Variants in AUTS2 observed in about 807,000 individuals in gnomAD.
The protein encoded by AUTS2 is autism susceptibility gene 2 protein.
Under a neutral mutation model 112.4 loss-of-function variants are expected in AUTS2, and 17 were observed. The ratio of observed to expected loss-of-function variants is 0.15; its 90% CI spans 0.10 to 0.23. AUTS2 has a LOEUF of 0.23. AUTS2 is among the 10% of genes least tolerant of loss of function. AUTS2 has a pLI of 1.00. For missense variants in AUTS2, 1,510 were observed against 1,701.6 expected (o/e 0.89, Z 1.98); for synonymous variants, 751 against 702.7 (o/e 1.07, Z -1.09).
chr7:70,457,656 G>A (rs988002592), intron 5 of AUTS2, among the ~76,000 whole-genome samples: 1 of 152,296 alleles, frequency 6.6e-6, no homozygotes, highest in South Asian at 2.1e-4. Context: ...AGAGGTGGGG[G>A]TGGTGGAGGG....
At chr7:70,508,374 T>A (rs1353451806) in intron 5 of AUTS2, among the ~76,000 whole-genome samples, 1 of 152,078 alleles carries the variant, frequency 6.6e-6, no homozygotes, top group Middle Eastern at 3.4e-3. Flanking sequence ...AAATGGAAAA[T>A]TAATACATCT....
chr7:70,525,925 A>T (rs905260814), intron 5 of AUTS2, among the ~76,000 whole-genome samples: 16 of 152,252 alleles, frequency 1.1e-4, no homozygotes, highest in African/African-American at 3.6e-4. Flanking sequence ...TGCTCACAGC[A>T]GCTCATCTTC....
intron 1 of AUTS2, among the ~76,000 whole-genome samples, chr7:69,640,297 T>G (rs6950638): frequency 0.076 from 11,552 of 152,244 alleles, 592 homozygotes; most frequent in African/African-American, 0.14. Context: ...ACAGAAAGAC[T>G]TCTTGATCTC....
intron 4 of AUTS2, among the ~76,000 whole-genome samples, chr7:70,354,425 GCTA>G (rs1323469879): frequency 6.6e-6 from 1 of 152,208 alleles, no homozygotes; most frequent in Non-Finnish European, 1.5e-5. Flanking sequence ...CCAACTAACA[GCTA>G]CTAAGTGCAT....
At chr7:70,135,004 T>C (rs541964420) in intron 4 of AUTS2, among the ~76,000 whole-genome samples, 1 of 152,134 alleles carries the variant, frequency 6.6e-6, no homozygotes, top group Non-Finnish European at 1.5e-5. Flanking sequence ...GGACGGGGAA[T>C]GGAGATGGTA....
chr7:69,863,925 C>G (rs537611088), intron 1 of AUTS2, among the ~76,000 whole-genome samples: 159 of 152,320 alleles, frequency 1.0e-3, no homozygotes, highest in Non-Finnish European at 1.6e-3. Flanking sequence ...ATTCCCTGCT[C>G]TGAAACCTGT....
chr7:70,003,375 GTGAATATATATAACATA>G (rs2129553082), intron 2 of AUTS2, among the ~76,000 whole-genome samples: 1 of 124,092 alleles, frequency 8.1e-6, no homozygotes, highest in East Asian at 2.3e-4. Context: ...TATTATATAT[GTGAATATATATAACATA>G]TGAATATATA....
intron 2 of AUTS2, among the ~76,000 whole-genome samples, chr7:69,976,420 C>G (rs959822903): frequency 1.3e-5 from 2 of 152,172 alleles, no homozygotes; most frequent in African/African-American, 4.8e-5. Context: ...TGAGTTGCTT[C>G]CACCTCTTGG....
intron 2 of AUTS2, among the ~76,000 whole-genome samples, chr7:70,053,837 C>T (rs543898359): frequency 9.1e-4 from 138 of 152,168 alleles, no homozygotes; most frequent in African/African-American, 3.2e-3. Flanking sequence ...AGTGAACCAC[C>T]ACAGTCAGTT....
intron 1 of AUTS2, among the ~76,000 whole-genome samples, chr7:69,707,323 G>C (rs1306243536): frequency 1.3e-5 from 2 of 152,122 alleles, no homozygotes; most frequent in African/African-American, 4.8e-5. Context: ...GTTTTCTTTG[G>C]CTAGTTTCAT....
At chr7:70,297,024 T>C (rs1476871375) in intron 4 of AUTS2, among the ~76,000 whole-genome samples, 4 of 149,326 alleles carry the variant, frequency 2.7e-5, no homozygotes, top group Non-Finnish European at 5.9e-5. Context: ...TTTTTTTTTT[T>C]CAATTTATAG....
At chr7:69,674,072 A>G (rs1306293330) in intron 1 of AUTS2, among the ~76,000 whole-genome samples, 1 of 152,222 alleles carries the variant, frequency 6.6e-6, no homozygotes, top group East Asian at 1.9e-4. Flanking sequence ...GCAAAGGCAC[A>G]TTTAGAGAGT....
chr7:70,641,971 G>A (rs1805858046), intron 5 of AUTS2, among the ~76,000 whole-genome samples: 1 of 152,106 alleles, frequency 6.6e-6, no homozygotes, highest in South Asian at 2.1e-4. Flanking sequence ...CTTCTCCCAT[G>A]AAATTAGCAC....
chr7:70,090,565 T>C (rs1456656120), intron 2 of AUTS2, among the ~76,000 whole-genome samples: 1 of 152,010 alleles, frequency 6.6e-6, no homozygotes, highest in Non-Finnish European at 1.5e-5. Flanking sequence ...GATTTCACCA[T>C]ATTGGCCAGG....
chr7:70,316,969 G>T (rs1790025308), intron 4 of AUTS2: 1 of 152,140 alleles, frequency 6.6e-6, no homozygotes, highest in South Asian at 2.1e-4. Context: ...AAACATTGAT[G>T]TTTCTGCATC....
chr7:70,657,934 T>A (rs1264633799), intron 5 of AUTS2, among the ~76,000 whole-genome samples: 1 of 152,182 alleles, frequency 6.6e-6, no homozygotes, highest in Non-Finnish European at 1.5e-5. Flanking sequence ...TTTCCCAATC[T>A]ATGGCACATC....
At chr7:69,925,890 C>T (rs748651609) in intron 2 of AUTS2, among the ~76,000 whole-genome samples, 9 of 152,260 alleles carry the variant, frequency 5.9e-5, no homozygotes, top group East Asian at 1.9e-4. Flanking sequence ...TATGGTGGTG[C>T]GCCTATAGTC....
chr7:70,335,644 G>A (rs192906607), intron 4 of AUTS2, among the ~76,000 whole-genome samples: 35 of 152,338 alleles, frequency 2.3e-4, no homozygotes, highest in Admixed American at 1.9e-3. Flanking sequence ...GGTGGCAGGA[G>A]GTGACAGTGA....
chr7:69,659,854 GCTTT>G (rs1476873625), intron 1 of AUTS2, among the ~76,000 whole-genome samples: 2 of 152,066 alleles, frequency 1.3e-5, no homozygotes, highest in African/African-American at 4.8e-5. Context: ...TCAGCTACCT[GCTTT>G]CTCTTTCTAA....
Sources: allele counts gnomAD v4.1 joint callset (sites outside exome capture counted in the v4.1 genomes callset), GRCh38; gene constraint gnomAD v4.1.1; transcripts MANE v1.5; gene names NCBI Gene and HGNC (gene_info 2026-07-23, HGNC 2026-07-21).